The following HLCS variants were observed in gnomAD, a reference collection of about 807,000 sequenced individuals.
The protein encoded by HLCS is biotin--protein ligase.
In HLCS, 53 loss-of-function variants were observed where a neutral mutation model predicts 75.0. That is an observed-to-expected ratio of 0.71 (90% CI 0.57 to 0.89). HLCS has a LOEUF of 0.89. Ranked by LOEUF, HLCS falls within the 40% of genes least tolerant of loss-of-function variation. HLCS has a pLI of 0.00. For missense variants in HLCS, 966 were observed against 1,074.0 expected, an observed-to-expected ratio of 0.90 and a Z score of 1.41; for synonymous variants, 431 against 428.6, an observed-to-expected ratio of 1.01 and a Z score of -0.07.
intron 6 of HLCS, among the ~76,000 whole-genome samples, chr21:36,847,341 G>A (rs949796872): frequency 3.9e-5 from 6 of 152,164 alleles, no homozygotes; most frequent in African/African-American, 1.2e-4. Flanking sequence ...ATAGCAGCAC[G>A]CTAGAATCAA....
intron 5 of HLCS, among the ~76,000 whole-genome samples, chr21:36,913,911 G>T (rs1441725807): frequency 3.3e-5 from 5 of 152,190 alleles, no homozygotes. Flanking sequence ...TCTGGTTTCT[G>T]CAGGAAAGAG....
intron 6 of HLCS, among the ~76,000 whole-genome samples, chr21:36,860,632 GA>G (rs1002417640): frequency 5.3e-5 from 8 of 152,000 alleles, no homozygotes; most frequent in Non-Finnish European, 1.2e-4. Context: ...AGAGGCTGAA[GA>G]AAAAAAGCAA....
intron 6 of HLCS, among the ~76,000 whole-genome samples, chr21:36,827,573 C>CA (rs111359900): frequency 0.37 from 39,384 of 105,338 alleles, 6,461 homozygotes; most frequent in Middle Eastern, 0.48. Flanking sequence ...GACTCCATCT[C>CA]AAAAAAAAAA....
chr21:36,757,363 C>T (rs1443189990), intron 9 of HLCS, among the ~76,000 whole-genome samples: 1 of 152,122 alleles, frequency 6.6e-6, no homozygotes, highest in Non-Finnish European at 1.5e-5. Context: ...GGTCCTAAAC[C>T]AAGGCTTCAT....
At chr21:36,850,571 C>T (rs922426120) in intron 6 of HLCS, among the ~76,000 whole-genome samples, 1 of 152,150 alleles carries the variant, frequency 6.6e-6, no homozygotes, top group African/African-American at 2.4e-5. Context: ...GGGGCATGGA[C>T]CACACACGCA....
In HLCS at chr21:36,962,051, T is replaced by C. The variant is rs549844335; in HGVS notation, c.315A>G (p.Ser105=). 1.6e-6 allele frequency: 2 copies of C among 1,289,438 alleles called. No homozygotes were observed. Among genetic ancestry groups the C allele is most frequent in the East Asian group, 1.1e-4 (2 of 18,030 alleles). 79.9% of individuals were successfully genotyped at this position (1,289,438 alleles called of 1,614,324 possible). A position where few individuals can be genotyped will look rare whatever the true frequency, so the allele number is the denominator to read the frequency against. ...IWVQSENLQR[S]SSSETIVKWS... ...TGGTACTCACTGTTTCTGAAGAGGA[T>C]GATCTCTGTAAATTCTCACTTTGTA... The change falls in exon 2 of 11, where the codon TCA becomes TCG. Residue 105 remains serine (S), a synonymous_variant. Transcript: ENST00000674895.
chr21:36,936,572 G>A lies in HLCS; in HGVS notation c.1314C>T (p.Tyr438=), dbSNP rs2066890502. 4 of 1,614,196 alleles carry A rather than the reference G, an allele frequency of 2.5e-6. No homozygotes were observed. The East Asian group carries it at 6.7e-5, about 27-fold the overall frequency. Residue 438 remains tyrosine, a synonymous_variant, in exon 4 of 11, where the codon TAC becomes TAT. Transcript: ENST00000674895. ...KLSVLSSGCR[Y]QEGPVRLSPG... ...GGCTGAGCCGGACGGGGCCTTCCTGGTACCTGCAGCCACTGCTCAAGACGC... is the reference window on the plus strand; with the variant it reads ...GGCTGAGCCGGACGGGGCCTTCCTGATACCTGCAGCCACTGCTCAAGACGC...
At chr21:36,796,374 A>G (rs370310649) in intron 6 of HLCS, among the ~76,000 whole-genome samples, 23 of 152,358 alleles carry the variant, frequency 1.5e-4, no homozygotes, top group Middle Eastern at 6.8e-3. Context: ...TAGATGCAGA[A>G]CAGACATTTG....
chr21:36,905,267 T>C (rs950084582), intron 5 of HLCS, among the ~76,000 whole-genome samples: 1 of 152,138 alleles, frequency 6.6e-6, no homozygotes, highest in South Asian at 2.1e-4. Context: ...ATTAAAACCT[T>C]ACCAAGGAAA....
intron 6 of HLCS, among the ~76,000 whole-genome samples, chr21:36,775,054 T>C (rs536438654): frequency 6.6e-6 from 1 of 152,330 alleles, no homozygotes; most frequent in Non-Finnish European, 1.5e-5. Context: ...AACACGGGAA[T>C]CGGGACTGTT....
At chr21:36,942,398 CAAAAAA>C (rs55999516) in intron 2 of HLCS, among the ~76,000 whole-genome samples, 13 of 80,930 alleles carry the variant, frequency 1.6e-4, no homozygotes, top group African/African-American at 5.6e-4. Context: ...GACTCCGTCT[CAAAAAA>C]AAAAAAAAAA....
chr21:36,783,634 T>C (rs946587200), intron 6 of HLCS, among the ~76,000 whole-genome samples: 2 of 152,144 alleles, frequency 1.3e-5, no homozygotes, highest in Non-Finnish European at 2.9e-5. Flanking sequence ...CAAAGTGCCA[T>C]TACGTGCAAG....
intron 5 of HLCS, among the ~76,000 whole-genome samples, chr21:36,910,439 G>A (rs1353822132): frequency 6.6e-6 from 1 of 152,062 alleles, no homozygotes; most frequent in African/African-American, 2.4e-5. Context: ...CCAGCTACGT[G>A]GGAGGCTGAG....
intron 6 of HLCS, among the ~76,000 whole-genome samples, chr21:36,861,123 T>A (rs1473193137): frequency 6.6e-6 from 1 of 152,228 alleles, no homozygotes; most frequent in Non-Finnish European, 1.5e-5. Context: ...CCAAGTGGAA[T>A]GAAATGTGGT....
chr21:36,847,079 G>C (rs1032866548), intron 6 of HLCS, among the ~76,000 whole-genome samples: 2 of 152,182 alleles, frequency 1.3e-5, no homozygotes, highest in Non-Finnish European at 2.9e-5. Context: ...AAATAGAGAT[G>C]TTAGAAACGC....
At chr21:36,831,828 T>C (rs1459930804) in intron 6 of HLCS, among the ~76,000 whole-genome samples, 1 of 152,200 alleles carries the variant, frequency 6.6e-6, no homozygotes, top group Non-Finnish European at 1.5e-5. Context: ...TTTTTTTAAA[T>C]ACAATTTCCT....
intron 5 of HLCS, among the ~76,000 whole-genome samples, chr21:36,905,893 A>G (rs924688281): frequency 2.6e-5 from 4 of 152,030 alleles, no homozygotes; most frequent in African/African-American, 7.3e-5. Flanking sequence ...TTCTACAAAA[A>G]TACAAAATTA....
upstream of HLCS, among the ~76,000 whole-genome samples, chr21:36,967,184 G>A (rs2068645820): frequency 6.6e-6 from 1 of 152,118 alleles, no homozygotes; most frequent in African/African-American, 2.4e-5. Flanking sequence ...AGCACACCGG[G>A]AGTCCCAGAG....
upstream of HLCS, among the ~76,000 whole-genome samples, chr21:36,970,317 C>T (rs559592780): frequency 1.4e-3 from 212 of 152,294 alleles, no homozygotes; most frequent in Non-Finnish European, 2.5e-3. Flanking sequence ...ACTGCAGCCT[C>T]GACCTCGTGG....
Sources: allele counts gnomAD v4.1 joint callset (sites outside exome capture counted in the v4.1 genomes callset), GRCh38; gene constraint gnomAD v4.1.1; transcripts MANE v1.5; gene names NCBI Gene and HGNC (gene_info 2026-07-23, HGNC 2026-07-21).